Variants in ASTN1 observed in about 807,000 individuals in gnomAD.
ASTN1 encodes the protein astrotactin 1.
ASTN1 carries 41 observed loss-of-function variants against 140.7 expected under a neutral mutation model. The ratio of observed to expected loss-of-function variants is 0.29; its 90% CI spans 0.23 to 0.38. The LOEUF (loss-of-function observed/expected upper bound fraction) is 0.38, where lower values mean the gene tolerates loss of function less well. ASTN1 is among the 10% of genes least tolerant of loss of function. The probability of loss-of-function intolerance (pLI) is 1.00; values close to 1 mark genes in which losing one functional copy is unlikely to be tolerated. For synonymous variants in ASTN1, 640 were observed against 652.2 expected (o/e 0.98, Z 0.29); for missense variants, 1,479 against 1,678.8 (o/e 0.88, Z 2.08).
intron 8 of ASTN1, among the ~76,000 whole-genome samples, chr1:176,978,486 T>A (rs1234173223): frequency 6.6e-6 from 1 of 152,176 alleles, no homozygotes; most frequent in Non-Finnish European, 1.5e-5. Context: ...TTAGGCAGAA[T>A]TTCTTGGAAG....
chr1:176,994,367 T>C (rs1674340712), intron 8 of ASTN1, among the ~76,000 whole-genome samples: 1 of 152,068 alleles, frequency 6.6e-6, no homozygotes, highest in South Asian at 2.1e-4. Flanking sequence ...CTTGGAATTA[T>C]ACTTTTTTTT....
intron 8 of ASTN1, among the ~76,000 whole-genome samples, chr1:176,992,201 A>G (rs1674215263): frequency 6.6e-6 from 1 of 152,204 alleles, no homozygotes; most frequent in Non-Finnish European, 1.5e-5. Context: ...AAGTGTAAGT[A>G]AAGTTCTTGG....
rs1647596532 is a variant in ASTN1, at chr1:177,164,515, G to A, written c.162C>T (p.Ser54=). The A allele has an allele frequency of 3.1e-6, 5 of 1,613,858 alleles. No individual in the cohort carries two copies. Among genetic ancestry groups the A allele is most frequent in the Non-Finnish European group, 4.2e-6 (5 of 1,179,962 alleles). Residue 54 remains serine, a synonymous_variant, in exon 1 of 23, where the codon AGC becomes AGT. Transcript: ENST00000361833. Reference sequence around the variant, plus strand: ...CCGAGGCCGAGGGGCTGTGCATGATGCTCAGGTCGTTCTCGCGCAGGAAGG... The same window carrying A: ...CCGAGGCCGAGGGGCTGTGCATGATACTCAGGTCGTTCTCGCGCAGGAAGG... ...ALPFLRENDL[S]IMHSPSASEP...
intron 8 of ASTN1, among the ~76,000 whole-genome samples, chr1:176,978,840 C>T (rs1405227290): frequency 6.6e-6 from 1 of 152,154 alleles, no homozygotes; most frequent in Non-Finnish European, 1.5e-5. Flanking sequence ...TGACTGATCA[C>T]TTAATATTCC....
At chr1:177,116,368 A>G (rs1411472878) in intron 1 of ASTN1, among the ~76,000 whole-genome samples, 1 of 151,912 alleles carries the variant, frequency 6.6e-6, no homozygotes, top group Non-Finnish European at 1.5e-5. Flanking sequence ...ATGACAACAC[A>G]TGTTTCATAA....
chr1:177,029,692 T>C lies in ASTN1; in HGVS notation c.1062A>G (p.Glu354=). ...TGTAAAAGGTCAGCTGGGGGTCGTT[T>C]TCTGCCTCTGTGCCAGAATCCCCTT... ...NPEGDSGTEA[E]NDPQLTFYTD... Residue 354 remains glutamate, a synonymous_variant, in exon 5 of 23, where the codon GAA becomes GAG. Transcript: ENST00000361833. The C allele has an allele frequency of 6.2e-7, 1 of 1,613,738 alleles. No homozygotes were observed. The highest frequency in any genetic ancestry group is 8.5e-7 in the Non-Finnish European group (1 of 1,179,870).
intron 1 of ASTN1, among the ~76,000 whole-genome samples, chr1:177,091,698 C>T (rs913765400): frequency 1.3e-5 from 2 of 152,092 alleles, no homozygotes; most frequent in African/African-American, 4.8e-5. Flanking sequence ...TTAGCAGTTC[C>T]CATCCCCCAG....
At chr1:177,052,598 GTCTTGGTTGGTTCTCAATGACCAGCA>G (rs1240131678) in intron 2 of ASTN1, among the ~76,000 whole-genome samples, 11 of 152,148 alleles carry the variant, frequency 7.2e-5, no homozygotes, top group African/African-American at 2.4e-4. Flanking sequence ...TACAACTATA[GTCTTGGTTGGTTCTCAATGACCAGCA>G]TCTTCTCAGA....
intron 7 of ASTN1, among the ~76,000 whole-genome samples, chr1:177,016,742 C>A (rs1175413936): frequency 6.6e-6 from 1 of 152,138 alleles, no homozygotes; most frequent in Non-Finnish European, 1.5e-5. Flanking sequence ...AAATACTGTG[C>A]AGTAGAAAAT....
chr1:176,974,063 T>C (rs1159975910), intron 8 of ASTN1, among the ~76,000 whole-genome samples: 1 of 152,252 alleles, frequency 6.6e-6, no homozygotes, highest in Non-Finnish European at 1.5e-5. Context: ...TGATAATCTT[T>C]GGTTATTAAT....
chr1:177,136,874 G>T (rs1682228087), intron 1 of ASTN1, among the ~76,000 whole-genome samples: 1 of 152,156 alleles, frequency 6.6e-6, no homozygotes, highest in East Asian at 1.9e-4. Context: ...CTGCTTTAAA[G>T]AAATTAAAAA....
intron 1 of ASTN1, among the ~76,000 whole-genome samples, chr1:177,114,303 T>C (rs1680967832): frequency 6.6e-6 from 1 of 152,206 alleles, no homozygotes. Flanking sequence ...CTAGTTATCA[T>C]AGTGCCTAAC....
rs1198322583 is a variant in ASTN1 at position 176,864,317 on chromosome 1, G to A, written c.3852C>T (p.Pro1284=). The change falls in exon 23 of 23, where the codon CCC becomes CCT. Residue 1284 remains proline, a synonymous_variant. Coordinates refer to ENST00000361833, the MANE Select transcript of ASTN1 (RefSeq NM_004319.3). ...CTTTGCTGTCCCCATAGTCGTTGTA[G>A]GGGATACTCAGGGTCTGCTCCTCAC... The part of the protein sequence containing the change: ...KTCEEQTLSI[P]YNDYGDSKEI 6.2e-7 allele frequency: 1 copy of A among 1,613,958 alleles called. No homozygotes were observed. Among genetic ancestry groups the A allele is most frequent in the Non-Finnish European group, 8.5e-7 (1 of 1,180,012 alleles).
At chr1:176,974,552 A>C (rs1673284098) in intron 8 of ASTN1, among the ~76,000 whole-genome samples, 1 of 151,934 alleles carries the variant, frequency 6.6e-6, no homozygotes, top group African/African-American at 2.4e-5. Context: ...GGCCCGGCTA[A>C]TTTTTGTACT....
chr1:176,949,095 T>C (rs1571553921), intron 12 of ASTN1, 90 bp downstream of exon 12: 1 of 1,534,984 alleles, frequency 6.5e-7, no homozygotes, highest in Non-Finnish European at 8.9e-7. Context: ...TAGGGTGACC[T>C]ATTCACTCAC....
intron 1 of ASTN1, among the ~76,000 whole-genome samples, chr1:177,129,979 GA>G (rs564461564): frequency 6.6e-6 from 1 of 151,962 alleles, no homozygotes; most frequent in Non-Finnish European, 1.5e-5. Flanking sequence ...AAATAAAAAA[GA>G]AAAAAGAATT....
At chr1:176,892,921 CT>C (rs1283607828) in intron 17 of ASTN1, among the ~76,000 whole-genome samples, 2 of 152,122 alleles carry the variant, frequency 1.3e-5, no homozygotes, top group African/African-American at 4.8e-5. Context: ...GCTAGGGCCA[CT>C]TGTCTTTGTG....
In ASTN1 at chr1:176,894,776, G is replaced by A; in HGVS notation, c.2726C>T (p.Thr909Ile). Reference sequence around the variant, plus strand: ...CAAGCTGGTGATGTATTCTGGGAATGTCAGCACCTTGGGGTCTCTTTCCCG... The same window carrying A: ...CAAGCTGGTGATGTATTCTGGGAATATCAGCACCTTGGGGTCTCTTTCCCG... ...EERERDPKVL[T>I]FPEYITSLSD... The change falls in exon 17 of 23, where the codon ACA becomes ATA. Residue 909 changes from threonine to isoleucine, a missense_variant. Physicochemically the swap from Thr to Ile is moderately conservative, Grantham distance 89. This residue lies in a region of ASTN1 where 746 missense variants were observed against 800.9 expected (regional missense o/e 0.93). Coordinates refer to ENST00000361833, the MANE Select transcript of ASTN1 (RefSeq NM_004319.3). The A allele has an allele frequency of 1.2e-6, 2 of 1,614,196 alleles. No homozygotes were observed. The highest frequency in any genetic ancestry group is 1.6e-4 in the Middle Eastern group (1 of 6,062).
rs748172683 is a variant in ASTN1 at position 176,876,518 on chromosome 1, T to C, written c.3463+19A>G. 1.2e-6 allele frequency: 2 copies of C among 1,613,594 alleles called. No homozygotes were observed. Among genetic ancestry groups the C allele is most frequent in the South Asian group, 2.2e-5 (2 of 91,072 alleles). On this transcript the variant is annotated intron_variant, in intron 21 of 22. Coordinates refer to ENST00000361833, the MANE Select transcript of ASTN1 (RefSeq NM_004319.3). ...TGGGGCATCCCTTCAGAAACACTGC[T>C]AACTTCGATGTCTCTTACCTTGAGC...
Sources: gnomAD v4.1 joint callset for allele counts (sites outside exome capture counted in the v4.1 genomes callset) on GRCh38, gnomAD v4.1.1 for gene constraint, gnomAD v4.1.1 regional missense constraint, MANE v1.5 for transcripts, NCBI Gene and HGNC (gene_info 2026-07-23, HGNC 2026-07-21) for gene names.